ANKRD6: variants seen among roughly 807,000 people sequenced by gnomAD.
ANKRD6 encodes ankyrin repeat domain 6.
ANKRD6 carries 56 observed loss-of-function variants against 82.3 expected under a neutral mutation model. The observed-to-expected ratio is 0.68, with a 90% CI of 0.55 to 0.85. ANKRD6 has a LOEUF of 0.85. ANKRD6 is among the 40% of genes least tolerant of loss of function. The probability of loss-of-function intolerance (pLI) is 0.00; values close to 1 mark genes in which losing one functional copy is unlikely to be tolerated. For missense variants in ANKRD6, 852 were observed against 907.6 expected, an observed-to-expected ratio of 0.94 and a Z score of 0.79; for synonymous variants, 347 against 352.1, an observed-to-expected ratio of 0.99 and a Z score of 0.16.
intron 1 of ANKRD6, among the ~76,000 whole-genome samples, chr6:89,495,185 A>T (rs1778454884): frequency 6.6e-6 from 1 of 152,242 alleles, no homozygotes; most frequent in Admixed American, 6.5e-5. Context: ...GCGAGCCAAG[A>T]TTGTGCCACT....
chr6:89,474,031 G>A (rs1408250304), intron 1 of ANKRD6, among the ~76,000 whole-genome samples: 1 of 152,204 alleles, frequency 6.6e-6, no homozygotes, highest in East Asian at 1.9e-4. Context: ...AGATGAAAGA[G>A]AAACAGGTGG....
chr6:89,552,428 A>T (rs1310075656), intron 1 of ANKRD6, among the ~76,000 whole-genome samples: 1 of 152,168 alleles, frequency 6.6e-6, no homozygotes, highest in Non-Finnish European at 1.5e-5. Context: ...GAGACACTTG[A>T]TCCCAGCAAA....
At chr6:89,591,467 AG>A (rs1343020644) in intron 2 of ANKRD6, among the ~76,000 whole-genome samples, 1 of 152,132 alleles carries the variant, frequency 6.6e-6, no homozygotes, top group African/African-American at 2.4e-5. Flanking sequence ...GGCCAGTCCT[AG>A]GGGCATGGAA....
At chr6:89,504,013 C>G (rs772642881) in intron 1 of ANKRD6, among the ~76,000 whole-genome samples, 1 of 151,564 alleles carries the variant, frequency 6.6e-6, no homozygotes, top group African/African-American at 2.4e-5. Context: ...GGCGCTTATT[C>G]TGGGTAAAAT....
chr6:89,447,208 T>C (rs1772197125), intron 1 of ANKRD6, among the ~76,000 whole-genome samples: 1 of 152,080 alleles, frequency 6.6e-6, no homozygotes, highest in Non-Finnish European at 1.5e-5. Flanking sequence ...TGAGCTATGA[T>C]TGTGCCACTG....
intron 1 of ANKRD6, among the ~76,000 whole-genome samples, chr6:89,504,229 G>A (rs1050357847): frequency 1.2e-4 from 18 of 152,034 alleles, no homozygotes; most frequent in Non-Finnish European, 2.4e-4. Flanking sequence ...GCATCAAGAT[G>A]GGAGTGGTAA....
intron 1 of ANKRD6, among the ~76,000 whole-genome samples, chr6:89,553,373 C>T (rs1378605682): frequency 6.6e-6 from 1 of 152,180 alleles, no homozygotes; most frequent in African/African-American, 2.4e-5. Flanking sequence ...AGGTGTCCTC[C>T]AGCCCTGGGA....
At chr6:89,501,123 T>C (rs1779215197) in intron 1 of ANKRD6, among the ~76,000 whole-genome samples, 1 of 152,180 alleles carries the variant, frequency 6.6e-6, no homozygotes, top group Non-Finnish European at 1.5e-5. Flanking sequence ...TTTCAGAACA[T>C]GTGATACTTG....
chr6:89,469,297 C>T (rs1226949293), intron 1 of ANKRD6, among the ~76,000 whole-genome samples: 3 of 152,148 alleles, frequency 2.0e-5, no homozygotes, highest in African/African-American at 4.8e-5. Context: ...TCATTCACAA[C>T]CTTAGCTCAG....
At chr6:89,519,785 C>T (rs1185962072) in intron 1 of ANKRD6, among the ~76,000 whole-genome samples, 1 of 152,148 alleles carries the variant, frequency 6.6e-6, no homozygotes, top group East Asian at 1.9e-4. Context: ...TTACATGAAC[C>T]AGAGCAGAGT....
At chr6:89,473,853 G>A (rs1582797518) in intron 1 of ANKRD6, among the ~76,000 whole-genome samples, 1 of 152,096 alleles carries the variant, frequency 6.6e-6, no homozygotes, top group East Asian at 1.9e-4. Context: ...GGTGGCACAT[G>A]CCTGTAATCC....
At chr6:89,619,858 A>G (rs1369056560) in intron 9 of ANKRD6, 2 of 152,108 alleles carry the variant, frequency 1.3e-5, no homozygotes, top group Non-Finnish European at 2.9e-5. Flanking sequence ...GATACTGTTT[A>G]TTTATTTATT....
intron 1 of ANKRD6, among the ~76,000 whole-genome samples, chr6:89,481,729 CTGGTGGTACTGCTGCTGCTGCTGG>C (rs915553566): frequency 6.6e-6 from 1 of 151,980 alleles, no homozygotes; most frequent in Non-Finnish European, 1.5e-5. Context: ...GCTGGCAGTG[CTGGTGGTACTGCTGCTGCTGCTGG>C]TGGTGGTACT....
At chr6:89,571,769 C>T (rs1789966601) in intron 2 of ANKRD6, among the ~76,000 whole-genome samples, 1 of 152,218 alleles carries the variant, frequency 6.6e-6, no homozygotes, top group Admixed American at 6.5e-5. Context: ...TATACTGACG[C>T]ATCATTATCA....
intron 1 of ANKRD6, among the ~76,000 whole-genome samples, chr6:89,469,922 A>G (rs925420187): frequency 2.0e-5 from 3 of 151,824 alleles, no homozygotes; most frequent in Non-Finnish European, 4.4e-5. Flanking sequence ...CTCTCTCTTT[A>G]CCCCAGATTC....
At chr6:89,565,884 G>T (rs937874108) in intron 1 of ANKRD6, among the ~76,000 whole-genome samples, 2 of 152,174 alleles carry the variant, frequency 1.3e-5, no homozygotes, top group African/African-American at 4.8e-5. Flanking sequence ...AGCAGGACTG[G>T]ATTAGACATT....
chr6:89,541,136 A>T (rs1360986175), intron 1 of ANKRD6, among the ~76,000 whole-genome samples: 2 of 151,992 alleles, frequency 1.3e-5, no homozygotes, highest in African/African-American at 4.8e-5. Context: ...TATAAATTTT[A>T]GGATTTTTTT....
intron 1 of ANKRD6, among the ~76,000 whole-genome samples, chr6:89,495,095 G>A (rs943216661): frequency 2.0e-5 from 3 of 152,150 alleles, no homozygotes; most frequent in East Asian, 1.9e-4. Context: ...TTAGCCGGGC[G>A]TGGTGGCAGG....
At chr6:89,489,783 G>A (rs576046709) in intron 1 of ANKRD6, among the ~76,000 whole-genome samples, 12 of 152,228 alleles carry the variant, frequency 7.9e-5, no homozygotes, top group Non-Finnish European at 1.8e-4. Flanking sequence ...GCTTGGCCTG[G>A]TGAAGCCTGT....
Sources: allele counts gnomAD v4.1 joint callset (sites outside exome capture counted in the v4.1 genomes callset), GRCh38; gene constraint gnomAD v4.1.1; transcripts MANE v1.5; gene names NCBI Gene and HGNC (gene_info 2026-07-23, HGNC 2026-07-21).